Variants in ZNF541 observed in about 807,000 individuals in gnomAD.
ZNF541 encodes the protein zinc finger protein 541.
A neutral mutation model predicts 123.5 loss-of-function variants in ZNF541; 23 were observed. The observed-to-expected ratio is 0.19, with a 90% CI of 0.13 to 0.26. The LOEUF (loss-of-function observed/expected upper bound fraction) is 0.26. ZNF541 is among the 10% of genes least tolerant of loss of function. ZNF541 has a pLI of 1.00. For missense variants in ZNF541, 1,612 were observed against 1,789.9 expected (o/e 0.90, Z 1.79); for synonymous variants, 751 against 754.5 (o/e 1.00, Z 0.08).
intron 14 of ZNF541, among the ~76,000 whole-genome samples, chr19:47,525,856 C>A (rs1260164537): frequency 1.4e-5 from 2 of 141,690 alleles, no homozygotes; most frequent in Non-Finnish European, 3.0e-5. Flanking sequence ...GCGTAGCTTG[C>A]AGTGAGCCAA....
chr19:47,524,638 G>A (rs1302247747), intron 14 of ZNF541, among the ~76,000 whole-genome samples: 3 of 151,386 alleles, frequency 2.0e-5, no homozygotes, highest in Non-Finnish European at 4.4e-5. Flanking sequence ...AACCCAGGAG[G>A]TGGAGGTTAC....
rs542521040 is a variant in ZNF541, at chr19:47,540,914, T to G, written c.2441A>C (p.Glu814Ala). 1 of 1,551,186 alleles carries G rather than the reference T, an allele frequency of 6.4e-7. No individual in the cohort carries two copies. Among genetic ancestry groups the G allele is most frequent in the South Asian group, 1.2e-5 (1 of 83,896 alleles). Reference sequence around the variant, plus strand: ...TTACCCTCTGCCTGCCACATTCTCTTCCTTCACCGGATGGGGGAGCCTGTA... The same window carrying G: ...TTACCCTCTGCCTGCCACATTCTCTGCCTTCACCGGATGGGGGAGCCTGTA... ...NIYRLPHPVK[E>A]ENVAGRGNQQ... The change falls in exon 6 of 17, where the codon GAA becomes GCA. Residue 814 changes from glutamate to alanine, a missense_variant. This residue lies in a region of ZNF541 where 1,080 missense variants were observed against 1,013.8 expected (regional missense o/e 1.07). Coordinates refer to ENST00000391901, the MANE Select transcript of ZNF541 (RefSeq NM_001277075.3).
At chr19:47,549,199 C>A (rs1489979066) in intron 4 of ZNF541, 46 bp downstream of exon 4, 3 of 1,547,788 alleles carry the variant, frequency 1.9e-6, no homozygotes, top group Non-Finnish European at 2.6e-6. Flanking sequence ...CATGTCCCCA[C>A]CCCCAGCCCC....
Position 47,539,776 on chromosome 19 carries a change from C to A in ZNF541, c.2725G>T (p.Ala909Ser). 1 of 1,477,436 alleles carries A rather than the reference C, an allele frequency of 6.8e-7. No individual in the cohort carries two copies. Among genetic ancestry groups the A allele is most frequent in the Non-Finnish European group, 8.9e-7 (1 of 1,121,724 alleles). 91.5% of individuals were successfully genotyped at this position (1,477,436 alleles called of 1,614,324 possible). A position where few individuals can be genotyped will look rare whatever the true frequency, so the allele number is the denominator to read the frequency against. Reference sequence around the variant, plus strand: ...GATTGGGGGACCACCAAAGGGGCTGCAGCTGTGGGGTCCAAGGGCTTCTTG... The same window carrying A: ...GATTGGGGGACCACCAAAGGGGCTGAAGCTGTGGGGTCCAAGGGCTTCTTG... Reference protein sequence around the residue: ...GTKKPLDPTAAAPLVVPQSIP... With the variant: ...GTKKPLDPTASAPLVVPQSIP... Residue 909 changes from alanine (A) to serine (S), a missense_variant, in exon 8 of 17, where the codon GCA (alanine) becomes TCA (serine). Physicochemically the swap from Ala to Ser is moderately conservative, Grantham distance 99. This residue lies in a region of ZNF541 where 1,080 missense variants were observed against 1,013.8 expected (regional missense o/e 1.07). Transcript: ENST00000391901.
intron 3 of ZNF541, among the ~76,000 whole-genome samples, chr19:47,555,227 G>C (rs1421070221): frequency 6.6e-6 from 1 of 151,848 alleles, no homozygotes; most frequent in Admixed American, 6.6e-5. Context: ...AAAATTAGCC[G>C]GGCGTGGTGG....
At chr19:47,571,598 C>CCTTT (rs1044350515) in intron 2 of ZNF541, among the ~76,000 whole-genome samples, 2 of 152,186 alleles carry the variant, frequency 1.3e-5, no homozygotes, top group African/African-American at 4.8e-5. Context: ...TTACTTCTTC[C>CCTTT]CTTTACCTGT....
chr19:47,556,102 C>T (rs1195450191), intron 2 of ZNF541, among the ~76,000 whole-genome samples, 148 bp from the exon 3 acceptor site: 1 of 152,182 alleles, frequency 6.6e-6, no homozygotes, highest in East Asian at 1.9e-4. Context: ...CACTTAAGCT[C>T]CACGAGCCCC....
rs1970280006 is a variant in ZNF541 at position 47,545,182 on chromosome 19, C to T, written c.1347G>A (p.Pro449=). The change falls in exon 5 of 17, where the codon CCG becomes CCA. Residue 449 remains proline, a synonymous_variant. Coordinates refer to ENST00000391901, the MANE Select transcript of ZNF541 (RefSeq NM_001277075.3). This position sits in a 1 kb window ranked among gnomAD's most constrained non-coding sequence, Gnocchi z 7.5. The part of the protein sequence containing the change: ...VPSREGSESG[P]GPSSGSPSEE... Reference sequence around the variant, plus strand: ...CCGAGGGGCTTCCGCTGCTGGGTCCCGGGCCAGACTCGGAGCCCTCCCGCG... The same window carrying T: ...CCGAGGGGCTTCCGCTGCTGGGTCCTGGGCCAGACTCGGAGCCCTCCCGCG... 1 of 1,510,230 alleles carries T rather than the reference C, an allele frequency of 6.6e-7. No homozygotes were observed. Among genetic ancestry groups the T allele is most frequent in the Non-Finnish European group, 8.9e-7 (1 of 1,127,404 alleles). 93.6% of individuals were successfully genotyped at this position (1,510,230 alleles called of 1,614,324 possible).
chr19:47,548,204 G>A (rs1218440197), intron 4 of ZNF541, among the ~76,000 whole-genome samples: 1 of 151,692 alleles, frequency 6.6e-6, no homozygotes, highest in African/African-American at 2.4e-5. Context: ...CAGCACTTTG[G>A]GAGGCTGAGG....
chr19:47,569,250 GTAATAATAATAA>G (rs949382308), intron 2 of ZNF541, among the ~76,000 whole-genome samples: 1 of 151,372 alleles, frequency 6.6e-6, no homozygotes. Context: ...ATTCATCATT[GTAATAATAATAA>G]TAATAATAAC....
chr19:47,549,561 C>G, intron 3 of ZNF541, 76 bp from the exon 4 acceptor site: 1 of 1,523,492 alleles, frequency 6.6e-7, no homozygotes, highest in Non-Finnish European at 8.8e-7. Flanking sequence ...GCACTCTACA[C>G]CTCTTAGAAC....
rs1271049767 is a variant in ZNF541, at chr19:47,539,717, C to T, written c.2784G>A (p.Gly928=). 4.9e-6 allele frequency: 7 copies of T among 1,430,780 alleles called. No individual in the cohort carries two copies. The highest frequency in any genetic ancestry group is 6.4e-6 in the Non-Finnish European group (7 of 1,095,816). The allele number at this position is 1,430,780 out of a possible 1,614,324, so 88.6% of individuals were successfully genotyped here. A position where few individuals can be genotyped will look rare whatever the true frequency, so the allele number is the denominator to read the frequency against. The change falls in exon 8 of 17, where the codon GGG becomes GGA. Residue 928 remains glycine (G), a synonymous_variant. Transcript: ENST00000391901. ...GACAAGCACCCACCATGGCCATGCT[C>T]CCTATGTGTCGGGTCACTGGAACCA... ...IPVVPVTRHI[G]SMAMGQEKDG... is the part of the protein sequence containing the mutation.
At chr19:47,525,695 C>T (rs192607280) in intron 14 of ZNF541, among the ~76,000 whole-genome samples, 40 of 152,046 alleles carry the variant, frequency 2.6e-4, no homozygotes, top group African/African-American at 8.2e-4. Context: ...GGGCAGATCA[C>T]GAGGTCAGGA....
Position 47,528,930 on chromosome 19 carries a change from C to T in ZNF541, c.3570+20G>A, listed in dbSNP as rs1354756166. On this transcript the variant is annotated intron_variant, in intron 14 of 16. Coordinates refer to ENST00000391901, the MANE Select transcript of ZNF541 (RefSeq NM_001277075.3). ...GCTGTGTGAGGCAGGGCCTTGGACACCAGCCCACATTCACTTTACCATCTT... is the reference window on the plus strand; with the variant it reads ...GCTGTGTGAGGCAGGGCCTTGGACATCAGCCCACATTCACTTTACCATCTT... 6.5e-7 allele frequency: 1 copy of T among 1,545,136 alleles called. No individual in the cohort carries two copies. Among genetic ancestry groups the T allele is most frequent in the Admixed American group, 2.0e-5 (1 of 50,990 alleles).
At chr19:47,548,975 A>G (rs899651169) in intron 4 of ZNF541, among the ~76,000 whole-genome samples, 11 of 151,018 alleles carry the variant, frequency 7.3e-5, no homozygotes, top group Non-Finnish European at 1.5e-4. Context: ...GCTACTCAGG[A>G]GGCTGAGGCA....
At position 47,521,763 on chromosome 19, in the gene ZNF541, C is replaced by A; in HGVS notation, c.3711+91G>T. ...TGCAGGAAAACCCTTCCATCAGGAG[C>A]ACCCCCGCCCTCTGACCCCACCGTC... On this transcript the variant is annotated intron_variant, in intron 15 of 16. Coordinates refer to ENST00000391901, the MANE Select transcript of ZNF541 (RefSeq NM_001277075.3). This position sits in a 1 kb window ranked among gnomAD's most constrained non-coding sequence, Gnocchi z 4.2. 3 of 1,519,528 alleles carry A rather than the reference C, an allele frequency of 2.0e-6. No individual in the cohort carries two copies. The highest frequency in any genetic ancestry group is 2.7e-6 in the Non-Finnish European group (3 of 1,129,152). The allele number at this position is 1,519,528 out of a possible 1,614,324, so 94.1% of individuals were successfully genotyped here.
At position 47,544,359 on chromosome 19, in the gene ZNF541, C is replaced by T. The variant is rs1347792087; in HGVS notation, c.2170G>A (p.Ala724Thr). ...TCACCTTTTGTGATCCTTGAAGCCG[C>T]GCCATTCTCGGCTGGGGCCTGCTTC... ...PGKQAPAENG[A>T]ASRITKGEKG... The change falls in exon 5 of 17, where the codon GCG becomes ACG. Residue 724 changes from alanine (A) to threonine (T), a missense_variant. By Grantham distance (58) the Ala-to-Thr change is moderately conservative. Coordinates refer to ENST00000391901, the MANE Select transcript of ZNF541 (RefSeq NM_001277075.3). 1.9e-6 allele frequency: 3 copies of T among 1,551,544 alleles called. No individual in the cohort carries two copies. The South Asian group carries it at 3.6e-5, about 18-fold the overall frequency.
intron 14 of ZNF541, among the ~76,000 whole-genome samples, chr19:47,526,731 C>T (rs758301676): frequency 1.3e-5 from 2 of 152,136 alleles, no homozygotes; most frequent in South Asian, 2.1e-4. Context: ...CTTTTCCTGC[C>T]GGTAGGAATG....
chr19:47,547,738 GAA>G (rs894985353), intron 4 of ZNF541, among the ~76,000 whole-genome samples: 2 of 152,120 alleles, frequency 1.3e-5, no homozygotes, highest in African/African-American at 4.8e-5. Flanking sequence ...CTCCTGGTTT[GAA>G]AAACATGTGT....
Sources: allele counts gnomAD v4.1 joint callset (sites outside exome capture counted in the v4.1 genomes callset), GRCh38; gene constraint gnomAD v4.1.1; regional missense constraint gnomAD v4.1.1; non-coding constraint Gnocchi (gnomAD v3.1); transcripts MANE v1.5; gene names NCBI Gene and HGNC (gene_info 2026-07-23, HGNC 2026-07-21).